DCDC1: variants seen among roughly 807,000 people sequenced by gnomAD.
The protein encoded by DCDC1 is doublecortin domain-containing protein 1.
In DCDC1, 200 loss-of-function variants were observed where a neutral mutation model predicts 178.3. The observed-to-expected ratio is 1.12, with a 90% CI of 1.00 to 1.26. DCDC1 has a LOEUF of 1.26. Among genes scored for constraint, DCDC1 ranks in the 50% most tolerant of loss-of-function variants. The pLI, the probability that DCDC1 is intolerant of heterozygous loss-of-function variation, is 0.00. For synonymous variants in DCDC1, 690 were observed against 604.8 expected, an observed-to-expected ratio of 1.14 and a Z score of -2.07; for missense variants, 1,983 against 1,749.2, an observed-to-expected ratio of 1.13 and a Z score of -2.38.
chr11:31,050,727 T>C (rs1055434237), intron 20 of DCDC1, among the ~76,000 whole-genome samples: 3 of 152,168 alleles, frequency 2.0e-5, no homozygotes, highest in African/African-American at 7.2e-5. Context: ...GAAGACTCAC[T>C]GCTTCACTAG....
chr11:31,085,503 T>G (rs192076781), intron 17 of DCDC1, among the ~76,000 whole-genome samples: 16 of 152,286 alleles, frequency 1.1e-4, no homozygotes, highest in African/African-American at 3.8e-4. Context: ...GTACTTTTTT[T>G]GTTTTATTTT....
At chr11:31,283,474 A>G (rs1946596221) in intron 7 of DCDC1, among the ~76,000 whole-genome samples, 1 of 150,596 alleles carries the variant, frequency 6.6e-6, no homozygotes, top group African/African-American at 2.5e-5. Flanking sequence ...CATTATATTC[A>G]TGTTTTTTTT....
chr11:30,929,546 GGAAATA>G (rs1269472732), intron 22 of DCDC1, among the ~76,000 whole-genome samples: 1 of 151,984 alleles, frequency 6.6e-6, no homozygotes, highest in Non-Finnish European at 1.5e-5. Flanking sequence ...AGTGTTGATA[GGAAATA>G]GAGCTAGAGA....
At chr11:31,221,518 C>A (rs921040334) in intron 9 of DCDC1, among the ~76,000 whole-genome samples, 1 of 152,178 alleles carries the variant, frequency 6.6e-6, no homozygotes, top group Non-Finnish European at 1.5e-5. Flanking sequence ...TGTCTCTCCG[C>A]CCCATCCACA....
chr11:31,088,841 G>A (rs897577749), intron 17 of DCDC1, among the ~76,000 whole-genome samples: 2 of 152,060 alleles, frequency 1.3e-5, no homozygotes, highest in African/African-American at 2.4e-5. Context: ...GGAACTACAG[G>A]TGTAGACCTT....
intron 36 of DCDC1, among the ~76,000 whole-genome samples, chr11:30,886,313 A>G (rs181915071): frequency 2.0e-5 from 3 of 152,266 alleles, no homozygotes; most frequent in Admixed American, 1.3e-4. Flanking sequence ...CATAGAGATC[A>G]TTTTCAAAAA....
intron 10 of DCDC1, among the ~76,000 whole-genome samples, chr11:31,129,816 A>C (rs1440840208): frequency 6.6e-6 from 1 of 151,992 alleles, no homozygotes; most frequent in Non-Finnish European, 1.5e-5. Context: ...AGTATATTAA[A>C]CCACCTAGCT....
At chr11:31,055,237 T>C (rs1298082974) in intron 20 of DCDC1, among the ~76,000 whole-genome samples, 2 of 151,960 alleles carry the variant, frequency 1.3e-5, no homozygotes, top group African/African-American at 4.8e-5. Flanking sequence ...GAAAAAACGC[T>C]CCACACCACT....
At chr11:30,872,238 G>T (rs1941651601) in intron 38 of DCDC1, among the ~76,000 whole-genome samples, 1 of 151,876 alleles carries the variant, frequency 6.6e-6, no homozygotes, top group South Asian at 2.1e-4. Context: ...GCCATTTTTT[G>T]TTGTTGTTGT....
At chr11:31,095,494 G>C in intron 15 of DCDC1, among the ~76,000 whole-genome samples, 1 of 152,200 alleles carries the variant, frequency 6.6e-6, no homozygotes, top group East Asian at 1.9e-4. Context: ...GCTAACAGCA[G>C]ATTTTAGTAA....
At chr11:30,908,702 A>G (rs1377111760) in intron 29 of DCDC1, among the ~76,000 whole-genome samples, 1 of 152,180 alleles carries the variant, frequency 6.6e-6, no homozygotes, top group Non-Finnish European at 1.5e-5. Context: ...TAGAATATGT[A>G]TGAAAATTTC....
chr11:31,031,770 A>G (rs1953667979), intron 20 of DCDC1, among the ~76,000 whole-genome samples: 2 of 152,140 alleles, frequency 1.3e-5, no homozygotes, highest in South Asian at 4.1e-4. Context: ...TCAAATAAGC[A>G]TTGAACCTCA....
At chr11:30,898,281 A>G (rs1944388049) in intron 34 of DCDC1, among the ~76,000 whole-genome samples, 1 of 152,200 alleles carries the variant, frequency 6.6e-6, no homozygotes, top group African/African-American at 2.4e-5. Context: ...TCAGAATGTC[A>G]CCATTATTTC....
chr11:30,959,288 T>A (rs527737549), intron 20 of DCDC1, among the ~76,000 whole-genome samples: 1 of 152,140 alleles, frequency 6.6e-6, no homozygotes, highest in South Asian at 2.1e-4. Flanking sequence ...AAGATAGGGA[T>A]ATTGTTAGAG....
intron 6 of DCDC1, among the ~76,000 whole-genome samples, chr11:31,297,209 T>C (rs559944410): frequency 6.6e-6 from 1 of 152,082 alleles, no homozygotes; most frequent in South Asian, 2.1e-4. Flanking sequence ...AGGAAGAGGC[T>C]ATTCTCAAAG....
intron 9 of DCDC1, among the ~76,000 whole-genome samples, chr11:31,139,005 A>G (rs566721612): frequency 9.2e-5 from 14 of 151,902 alleles, no homozygotes; most frequent in Admixed American, 3.3e-4. Context: ...AAAGGGCCAG[A>G]TCGTAAATAT....
At chr11:30,996,874 G>A (rs1443923484) in intron 20 of DCDC1, among the ~76,000 whole-genome samples, 7 of 152,216 alleles carry the variant, frequency 4.6e-5, no homozygotes, top group Non-Finnish European at 8.8e-5. Flanking sequence ...AATTTTGTTC[G>A]CATAAAAACG....
chr11:31,094,337 C>A (rs1214108358), intron 15 of DCDC1, among the ~76,000 whole-genome samples, 153 bp from the exon 16 acceptor site: 2 of 152,118 alleles, frequency 1.3e-5, no homozygotes, highest in African/African-American at 4.8e-5. Flanking sequence ...TAATTCAATT[C>A]AATCAATATT....
At chr11:31,177,770 A>G (rs941347430) in intron 9 of DCDC1, among the ~76,000 whole-genome samples, 13 of 152,210 alleles carry the variant, frequency 8.5e-5, no homozygotes, top group Non-Finnish European at 1.5e-4. Context: ...CTGTAAAAAG[A>G]GACAAAGAAG....
Sources: gnomAD v4.1 joint callset for allele counts (sites outside exome capture counted in the v4.1 genomes callset) on GRCh38, gnomAD v4.1.1 for gene constraint, MANE v1.5 for transcripts, NCBI Gene and HGNC (gene_info 2026-07-23, HGNC 2026-07-21) for gene names.